DGKB: variants seen among roughly 807,000 people sequenced by gnomAD.
DGKB encodes the protein diacylglycerol kinase beta, also known as 90 kDa diacylglycerol kinase.
A neutral mutation model predicts 114.3 loss-of-function variants in DGKB; 67 were observed. The observed-to-expected ratio is 0.59, with a 90% confidence interval of 0.48 to 0.72. The LOEUF (loss-of-function observed/expected upper bound fraction) is 0.72, where lower values mean the gene tolerates loss of function less well. DGKB is among the 30% of genes least tolerant of loss of function. The pLI, the probability that DGKB is intolerant of heterozygous loss-of-function variation, is 0.00. For synonymous variants in DGKB, 398 were observed against 323.1 expected (o/e 1.23, Z -2.49); for missense variants, 907 against 975.2 (o/e 0.93, Z 0.93).
At chr7:14,751,555 T>C (rs1418395006) in intron 4 of DGKB, among the ~76,000 whole-genome samples, 1 of 152,236 alleles carries the variant, frequency 6.6e-6, no homozygotes. Context: ...GCAGAAATAC[T>C]GGTTAACATA....
intron 19 of DGKB, among the ~76,000 whole-genome samples, chr7:14,579,041 C>T (rs889149115): frequency 1.3e-5 from 2 of 152,164 alleles, no homozygotes; most frequent in Non-Finnish European, 2.9e-5. Context: ...ATTTTAGGTC[C>T]AGTTTTAATG....
At chr7:14,905,913 T>C (rs73287460), upstream of DGKB, among the ~76,000 whole-genome samples, 440 of 152,306 alleles carry the variant, frequency 2.9e-3, 3 homozygotes, top group African/African-American at 1.0e-2. Context: ...TCTTTTCGTC[T>C]TTTTTCTGCT....
intron 23 of DGKB, among the ~76,000 whole-genome samples, chr7:14,239,341 C>A (rs1421663426): frequency 2.0e-5 from 3 of 151,894 alleles, no homozygotes; most frequent in Non-Finnish European, 2.9e-5. Context: ...AAGTTTAAAG[C>A]TCATAGGTAT....
intron 1 of DGKB, among the ~76,000 whole-genome samples, chr7:14,968,423 G>A (rs562621034): frequency 1.8e-4 from 28 of 151,936 alleles, no homozygotes; most frequent in Non-Finnish European, 3.5e-4. Context: ...AAATATAGAC[G>A]GAATCAAAAT....
At chr7:14,454,788 T>A (rs1180237476) in intron 21 of DGKB, among the ~76,000 whole-genome samples, 1 of 152,058 alleles carries the variant, frequency 6.6e-6, no homozygotes, top group East Asian at 1.9e-4. Context: ...GTTTTGATAG[T>A]AAATTCTGAT....
intron 1 of DGKB, among the ~76,000 whole-genome samples, chr7:14,874,949 G>A (rs1395592753): frequency 6.6e-6 from 1 of 151,946 alleles, no homozygotes; most frequent in Non-Finnish European, 1.5e-5. Flanking sequence ...TAGCGTAACG[G>A]GGAAGTAAAA....
chr7:14,201,017 A>G (rs1368433301), intron 23 of DGKB, among the ~76,000 whole-genome samples: 1 of 152,014 alleles, frequency 6.6e-6, no homozygotes, highest in Non-Finnish European at 1.5e-5. Flanking sequence ...GTTGTGGAAG[A>G]TGGTTTCTTC....
At chr7:14,657,959 T>G (rs1816201492) in intron 13 of DGKB, among the ~76,000 whole-genome samples, 1 of 151,958 alleles carries the variant, frequency 6.6e-6, no homozygotes, top group African/African-American at 2.4e-5. Flanking sequence ...CCTAACAAAC[T>G]TTCTGACATT....
intron 25 of DGKB, among the ~76,000 whole-genome samples, chr7:14,163,832 T>C (rs760905987): frequency 6.6e-6 from 1 of 152,026 alleles, no homozygotes; most frequent in Non-Finnish European, 1.5e-5. Flanking sequence ...CTGTCTCTAC[T>C]AAAAATACAA....
intron 4 of DGKB, among the ~76,000 whole-genome samples, chr7:14,740,587 A>G (rs2128411036): frequency 6.6e-6 from 1 of 152,296 alleles, no homozygotes; most frequent in Admixed American, 6.5e-5. Flanking sequence ...ACTGGATCTT[A>G]GGGATCCAGA....
At chr7:14,920,662 T>C (rs1354866477) in intron 1 of DGKB, among the ~76,000 whole-genome samples, 1 of 152,222 alleles carries the variant, frequency 6.6e-6, no homozygotes, top group South Asian at 2.1e-4. Flanking sequence ...CCCAACTGAG[T>C]TGAAAACTTA....
At position 14,192,073 on chromosome 7, in the gene DGKB, T is replaced by C. The variant is rs888404065; in HGVS notation, c.2123-13922A>G. The C allele has an allele frequency of 3.4e-4, 148 of 430,386 alleles. 2 individuals are homozygous for C. Among genetic ancestry groups the C allele is most frequent in the South Asian group, 1.6e-3 (89 of 57,064 alleles). The allele number at this position is 430,386 out of a possible 1,614,324, so 26.7% of individuals were successfully genotyped here. On this transcript the variant is annotated intron_variant, in intron 23 of 25. Coordinates refer to ENST00000402815, the MANE Select transcript of DGKB (RefSeq NM_001350709.2). Reference sequence around the variant, plus strand: ...AGACAGATAGTCGCTGTGGGTGTCATCAAAGCAGTGGACAGGAAGGCTGCT... The same window carrying C: ...AGACAGATAGTCGCTGTGGGTGTCACCAAAGCAGTGGACAGGAAGGCTGCT...
chr7:14,875,396 G>A (rs111687458), intron 1 of DGKB, among the ~76,000 whole-genome samples: 4 of 151,972 alleles, frequency 2.6e-5, no homozygotes, highest in Non-Finnish European at 4.4e-5. Flanking sequence ...CACTTTTCAG[G>A]AGTCACCATG....
intron 1 of DGKB, among the ~76,000 whole-genome samples, chr7:14,939,161 T>C (rs1316809586): frequency 6.6e-6 from 1 of 152,194 alleles, no homozygotes; most frequent in Admixed American, 6.5e-5. Flanking sequence ...AGGCTTTGCA[T>C]TAGTACTTTG....
chr7:14,847,399 G>C (rs1848785004), intron 1 of DGKB, among the ~76,000 whole-genome samples: 2 of 152,058 alleles, frequency 1.3e-5, no homozygotes, highest in African/African-American at 4.8e-5. Flanking sequence ...CTAGGGATGG[G>C]AAAGGATGCA....
intron 23 of DGKB, among the ~76,000 whole-genome samples, chr7:14,210,954 C>G (rs1054696805): frequency 6.6e-6 from 1 of 152,036 alleles, no homozygotes; most frequent in Non-Finnish European, 1.5e-5. Context: ...TCCTTGCCAT[C>G]TGAATATATT....
intron 19 of DGKB, among the ~76,000 whole-genome samples, chr7:14,576,777 G>T (rs1319716382): frequency 6.6e-6 from 1 of 152,144 alleles, no homozygotes; most frequent in Non-Finnish European, 1.5e-5. Flanking sequence ...TTGTAGCAGG[G>T]TCACGCAGCT....
chr7:14,869,936 A>G (rs1462082642), intron 1 of DGKB, among the ~76,000 whole-genome samples: 6 of 152,130 alleles, frequency 3.9e-5, no homozygotes, highest in Non-Finnish European at 1.5e-5. Context: ...TTTATAACCC[A>G]CGATTTTTTT....
chr7:14,468,020 T>C (rs1461556011), intron 21 of DGKB, among the ~76,000 whole-genome samples: 1 of 152,162 alleles, frequency 6.6e-6, no homozygotes, highest in Admixed American at 6.6e-5. Flanking sequence ...TTGATTCTAT[T>C]CCAGAAGAAT....
Sources: gnomAD v4.1 joint callset for allele counts (sites outside exome capture counted in the v4.1 genomes callset) on GRCh38, gnomAD v4.1.1 for gene constraint, MANE v1.5 for transcripts, NCBI Gene and HGNC (gene_info 2026-07-23, HGNC 2026-07-21) for gene names.